The following RAD51B variants were observed in gnomAD, a reference collection of about 807,000 sequenced individuals.
RAD51B encodes the protein RAD51 paralog B, also known as DNA repair protein RAD51 homolog 2.
RAD51B carries 38 observed loss-of-function variants against 42.2 expected under a neutral mutation model. The observed-to-expected ratio is 0.90, with a 90% CI of 0.70 to 1.18. RAD51B has a LOEUF of 1.18. Ranked by LOEUF, RAD51B falls within the 50% of genes most tolerant of loss-of-function variation. The probability of loss-of-function intolerance (pLI) is 0.00; values close to 1 mark genes in which losing one functional copy is unlikely to be tolerated. For missense variants in RAD51B, 373 were observed against 400.7 expected (o/e 0.93, Z 0.59); for synonymous variants, 154 against 145.2 (o/e 1.06, Z -0.43).
At chr14:68,628,933 C>G (rs1341540026) in intron 10 of RAD51B, among the ~76,000 whole-genome samples, 1 of 152,178 alleles carries the variant, frequency 6.6e-6, no homozygotes, top group African/African-American at 2.4e-5. Flanking sequence ...TAGAAAGTAC[C>G]TATCACTCAG....
intron 9 of RAD51B, among the ~76,000 whole-genome samples, chr14:68,443,019 C>G (rs1180647307): frequency 2.6e-5 from 4 of 152,156 alleles, no homozygotes; most frequent in African/African-American, 9.7e-5. Context: ...TTCCACTCTC[C>G]CAGCAAAGGA....
At chr14:68,400,003 T>C (rs183949700) in intron 8 of RAD51B, among the ~76,000 whole-genome samples, 2 of 152,354 alleles carry the variant, frequency 1.3e-5, no homozygotes, top group African/African-American at 2.4e-5. Flanking sequence ...CAAATCATAT[T>C]TCTTTTCTCT....
At chr14:68,369,102 G>A (rs932806769) in intron 8 of RAD51B, among the ~76,000 whole-genome samples, 1 of 152,188 alleles carries the variant, frequency 6.6e-6, no homozygotes, top group Non-Finnish European at 1.5e-5. Flanking sequence ...CCCTGAAGAG[G>A]CCTGGTGATA....
chr14:68,266,464 A>G (rs1418193000), intron 7 of RAD51B, among the ~76,000 whole-genome samples: 1 of 152,198 alleles, frequency 6.6e-6, no homozygotes, highest in Non-Finnish European at 1.5e-5. Flanking sequence ...ACTTTTAGGG[A>G]AGATAGGTCA....
At chr14:67,943,726 A>G (rs916002006) in intron 7 of RAD51B, among the ~76,000 whole-genome samples, 7 of 152,162 alleles carry the variant, frequency 4.6e-5, no homozygotes, top group African/African-American at 1.7e-4. Flanking sequence ...AGCCCTCAAT[A>G]AAAGTTTGTT....
At chr14:68,551,601 C>A (rs1888574713) in intron 10 of RAD51B, among the ~76,000 whole-genome samples, 1 of 152,172 alleles carries the variant, frequency 6.6e-6, no homozygotes, top group Non-Finnish European at 1.5e-5. Flanking sequence ...TCCAGGATTT[C>A]TCTCTTTTTC....
chr14:68,523,757 G>C (rs750488894), intron 10 of RAD51B, among the ~76,000 whole-genome samples: 1 of 152,182 alleles, frequency 6.6e-6, no homozygotes, highest in African/African-American at 2.4e-5. Context: ...ATACACAAAG[G>C]TTTTGTATCC....
intron 7 of RAD51B, among the ~76,000 whole-genome samples, chr14:68,282,076 G>A (rs2139628417): frequency 6.6e-6 from 1 of 152,082 alleles, no homozygotes; most frequent in Admixed American, 6.5e-5. Context: ...CCACCTCCTG[G>A]GTTCAAGCGA....
chr14:68,241,232 A>G (rs1288546624), intron 7 of RAD51B, among the ~76,000 whole-genome samples: 2 of 152,186 alleles, frequency 1.3e-5, no homozygotes, highest in African/African-American at 4.8e-5. Context: ...GTTATGAGAA[A>G]AACCTGTTCT....
At chr14:68,544,418 AT>A (rs1265417925) in intron 10 of RAD51B, among the ~76,000 whole-genome samples, 1 of 152,164 alleles carries the variant, frequency 6.6e-6, no homozygotes, top group Non-Finnish European at 1.5e-5. Context: ...GGAGAGAACA[AT>A]TTTACAGCCC....
chr14:68,096,413 C>T (rs1225823061), intron 7 of RAD51B, among the ~76,000 whole-genome samples: 1 of 152,196 alleles, frequency 6.6e-6, no homozygotes, highest in Non-Finnish European at 1.5e-5. Context: ...TAGTTTCAGG[C>T]CAAGTCGTAC....
rs550805685 is a variant in RAD51B, at chr14:67,876,403, A to G, written c.453-9466A>G. On this transcript the variant is annotated intron_variant, in intron 5 of 10. Transcript: ENST00000471583. ...TAAGAGCTATGAAGTCACATAGGGAACTAATAATTTTGTACAGGGTTTTGC... is the reference window on the plus strand; with the variant it reads ...TAAGAGCTATGAAGTCACATAGGGAGCTAATAATTTTGTACAGGGTTTTGC... Among the ~76,000 whole-genome samples, 3 of 152,316 alleles carry G rather than the reference A, an allele frequency of 2.0e-5. No homozygotes were observed. In the East Asian group the frequency reaches 5.8e-4, roughly 29 times the overall value.
chr14:68,455,775 T>C (rs927424201), intron 9 of RAD51B, among the ~76,000 whole-genome samples: 2 of 151,694 alleles, frequency 1.3e-5, no homozygotes, highest in African/African-American at 4.8e-5. Flanking sequence ...GATAAATATG[T>C]AGGTAAATGC....
chr14:68,372,128 A>C (rs1197951446), intron 8 of RAD51B, among the ~76,000 whole-genome samples: 2 of 152,226 alleles, frequency 1.3e-5, no homozygotes, highest in African/African-American at 4.8e-5. Context: ...AGTTAGGTCC[A>C]GTGCTGCTAA....
rs144545482 is a variant in RAD51B at position 68,022,749 on chromosome 14, A to G, written c.756+135545A>G. Among the ~76,000 whole-genome samples, 1,220 of 151,742 alleles carry G rather than the reference A, an allele frequency of 8.0e-3. 15 individuals carry two copies. Among genetic ancestry groups the G allele is most frequent in the African/African-American group, 0.028 (1,143 of 41,344 alleles). On this transcript the variant is annotated intron_variant, in intron 7 of 10. Transcript: ENST00000471583. Reference sequence around the variant, plus strand: ...GGTTTGGTGTCTAGATAATTTTGTCACCTAGGTAATCAGCATAATACCTAA... The same window carrying G: ...GGTTTGGTGTCTAGATAATTTTGTCGCCTAGGTAATCAGCATAATACCTAA...
At chr14:68,271,572 G>T (rs1448741438) in intron 7 of RAD51B, among the ~76,000 whole-genome samples, 11 of 152,118 alleles carry the variant, frequency 7.2e-5, no homozygotes. Flanking sequence ...TCGTCCAATG[G>T]ATATGGGTTC....
At chr14:68,062,047 C>A (rs1315238194) in intron 7 of RAD51B, among the ~76,000 whole-genome samples, 1 of 152,078 alleles carries the variant, frequency 6.6e-6, no homozygotes, top group Non-Finnish European at 1.5e-5. Context: ...TCAGATATGG[C>A]CTTTATTTTG....
chr14:68,372,878 A>G (rs1349737769), intron 8 of RAD51B, among the ~76,000 whole-genome samples: 1 of 152,246 alleles, frequency 6.6e-6, no homozygotes, highest in Non-Finnish European at 1.5e-5. Flanking sequence ...AAGTTCTCTA[A>G]TCAACATTCT....
chr14:67,985,418 C>G (rs534790102), intron 7 of RAD51B, among the ~76,000 whole-genome samples: 1 of 152,102 alleles, frequency 6.6e-6, no homozygotes, highest in Non-Finnish European at 1.5e-5. Context: ...AGTAATTGAT[C>G]AAGTTCAATA....
Sources: gnomAD v4.1 joint callset for allele counts (sites outside exome capture counted in the v4.1 genomes callset) on GRCh38, gnomAD v4.1.1 for gene constraint, MANE v1.5 for transcripts, NCBI Gene and HGNC (gene_info 2026-07-23, HGNC 2026-07-21) for gene names.